Variants in ZNF385D observed in about 807,000 individuals in gnomAD.
The protein encoded by ZNF385D is zinc finger protein 385D, also known as zinc finger protein 659.
Under a neutral mutation model 35.8 loss-of-function variants are expected in ZNF385D, and 15 were observed. The ratio of observed to expected loss-of-function variants is 0.42; its 90% CI spans 0.28 to 0.64. ZNF385D has a LOEUF of 0.64. Ranked by LOEUF, ZNF385D falls within the 30% of genes least tolerant of loss-of-function variation. The pLI is 0.23. For missense variants in ZNF385D, 474 were observed against 494.6 expected (o/e 0.96, Z 0.39); for synonymous variants, 212 against 186.8 (o/e 1.13, Z -1.10).
intron 2 of ZNF385D, among the ~76,000 whole-genome samples, chr3:22,239,607 C>G (rs1699376839): frequency 6.6e-6 from 1 of 150,796 alleles, no homozygotes; most frequent in Non-Finnish European, 1.5e-5. Flanking sequence ...AGGTTTTACC[C>G]TTTGATTTCA....
chr3:21,430,569 C>T (rs1701249629), intron 5 of ZNF385D, among the ~76,000 whole-genome samples: 1 of 152,186 alleles, frequency 6.6e-6, no homozygotes, highest in East Asian at 1.9e-4. Context: ...ACTAATATAG[C>T]AGCAAGCCTT....
chr3:22,133,441 G>A (rs2125690242), intron 3 of ZNF385D: 1 of 151,048 alleles, frequency 6.6e-6, no homozygotes, highest in Non-Finnish European at 1.5e-5. Flanking sequence ...AGAGAGAAAG[G>A]TTATATAACA....
intron 1 of ZNF385D, among the ~76,000 whole-genome samples, chr3:21,669,033 T>C (rs1287005833): frequency 6.6e-6 from 1 of 152,198 alleles, no homozygotes; most frequent in Non-Finnish European, 1.5e-5. Flanking sequence ...CTGGAAATAT[T>C]AATATTCTTA....
intron 3 of ZNF385D, among the ~76,000 whole-genome samples, chr3:22,127,731 T>C (rs1409323767): frequency 6.6e-6 from 1 of 152,260 alleles, no homozygotes; most frequent in East Asian, 1.9e-4. Context: ...TAACTCTGAT[T>C]GCAAAAACAA....
intron 3 of ZNF385D, among the ~76,000 whole-genome samples, chr3:22,005,768 A>C (rs952038536): frequency 2.0e-5 from 3 of 152,132 alleles, no homozygotes; most frequent in East Asian, 1.9e-4. Flanking sequence ...TTAGAACCCT[A>C]AGTGTGAAAT....
intron 3 of ZNF385D, among the ~76,000 whole-genome samples, chr3:21,870,060 A>G (rs969090978): frequency 1.3e-5 from 2 of 152,142 alleles, no homozygotes; most frequent in Non-Finnish European, 2.9e-5. Flanking sequence ...CTCATTGTTA[A>G]ATTTGAACAG....
intron 3 of ZNF385D, among the ~76,000 whole-genome samples, chr3:21,757,112 A>G (rs1445183262): frequency 8.2e-6 from 1 of 122,442 alleles, no homozygotes; most frequent in Non-Finnish European, 1.6e-5. Flanking sequence ...GACATATGAT[A>G]AATTTCTCTT....
intron 3 of ZNF385D, among the ~76,000 whole-genome samples, chr3:22,069,975 T>A (rs1700150316): frequency 6.6e-6 from 1 of 152,190 alleles, no homozygotes; most frequent in Admixed American, 6.5e-5. Context: ...CTAAGGCAAA[T>A]AAGATAAAGC....
chr3:22,105,468 A>G (rs1702159016), intron 3 of ZNF385D, among the ~76,000 whole-genome samples: 2 of 152,190 alleles, frequency 1.3e-5, no homozygotes, highest in African/African-American at 4.8e-5. Context: ...GAGACTTAAT[A>G]TAAAATATTG....
rs146911741 is a variant in ZNF385D, at chr3:21,821,833, G to A, written c.326-156805C>T. Among the ~76,000 whole-genome samples the A allele has an allele frequency of 6.9e-3, 1,055 of 151,826 alleles. 9 individuals are homozygous for A. The highest frequency in any genetic ancestry group is 0.027 in the Middle Eastern group (8 of 294). On this transcript the variant is annotated intron_variant, in intron 3 of 5. Transcript: ENST00000494108. Reference sequence around the variant, plus strand: ...TTAAATTAACCAGGCACGGTAGCACGTTCCTGCCTGCAGTCCCAGGTACTC... The same window carrying A: ...TTAAATTAACCAGGCACGGTAGCACATTCCTGCCTGCAGTCCCAGGTACTC...
chr3:22,202,883 G>C (rs988450351), intron 2 of ZNF385D, among the ~76,000 whole-genome samples: 5 of 152,132 alleles, frequency 3.3e-5, no homozygotes, highest in Admixed American at 3.3e-4. Flanking sequence ...TCCATTGGTT[G>C]AAACTTGAGT....
chr3:21,650,178 A>G (rs2065869157), intron 2 of ZNF385D, among the ~76,000 whole-genome samples: 1 of 152,222 alleles, frequency 6.6e-6, no homozygotes, highest in South Asian at 2.1e-4. Flanking sequence ...AGCACAGTAT[A>G]AAGAATTATA....
At chr3:22,162,095 T>A (rs1006168010) in intron 3 of ZNF385D, among the ~76,000 whole-genome samples, 1 of 152,192 alleles carries the variant, frequency 6.6e-6, no homozygotes, top group Non-Finnish European at 1.5e-5. Context: ...TCATTTCTTT[T>A]GCATTTTTGA....
At chr3:21,423,564 A>T (rs1165591120) in intron 7 of ZNF385D, among the ~76,000 whole-genome samples, 1 of 152,320 alleles carries the variant, frequency 6.6e-6, no homozygotes, top group Non-Finnish European at 1.5e-5. Flanking sequence ...TAAAAAGCTT[A>T]TTTGCAGTCA....
In ZNF385D at chr3:21,960,465, G is replaced by C. The variant is rs558926323; in HGVS notation, c.325+208352C>G. On this transcript the variant is annotated intron_variant, in intron 3 of 5. Coordinates refer to the ZNF385D transcript ENST00000494108. The stretch of plus-strand genomic sequence containing the variant: ...TGCTGGTGTGGATGCAGTAAAAAAC[G>C]GATCCCTTGTACACTGTTGGTGGAA... 4.0e-3 allele frequency among the ~76,000 whole-genome samples: 605 copies of C among 151,948 alleles called. 4 individuals carry two copies. The highest frequency in any genetic ancestry group is 0.014 in the African/African-American group (574 of 41,418).
intron 3 of ZNF385D, among the ~76,000 whole-genome samples, chr3:22,158,966 T>C (rs147637168): frequency 6.6e-6 from 1 of 152,170 alleles, no homozygotes; most frequent in African/African-American, 2.4e-5. Context: ...AAAAAGCTTA[T>C]ACTTTCAAAC....
At chr3:22,283,484 T>A (rs138259122) in intron 2 of ZNF385D, among the ~76,000 whole-genome samples, 1 of 152,268 alleles carries the variant, frequency 6.6e-6, no homozygotes, top group East Asian at 1.9e-4. Context: ...AGAATCAGTG[T>A]CCTAATCTTC....
intron 4 of ZNF385D, among the ~76,000 whole-genome samples, chr3:21,441,180 C>T (rs538755280): frequency 6.6e-6 from 1 of 152,214 alleles, no homozygotes; most frequent in East Asian, 1.9e-4. Context: ...TTATTCTTTG[C>T]TATATTCTTG....
At chr3:22,145,080 A>G (rs1161958116) in intron 3 of ZNF385D, among the ~76,000 whole-genome samples, 2 of 151,982 alleles carry the variant, frequency 1.3e-5, no homozygotes, top group African/African-American at 4.8e-5. Flanking sequence ...ACTTATCAGC[A>G]GTACTCAAAA....
Sources: allele counts gnomAD v4.1 joint callset (sites outside exome capture counted in the v4.1 genomes callset), GRCh38; gene constraint gnomAD v4.1.1; transcripts MANE v1.5; gene names NCBI Gene and HGNC (gene_info 2026-07-23, HGNC 2026-07-21).